Variants in NRXN3 observed in about 807,000 individuals in gnomAD.
The protein encoded by NRXN3 is neurexin III.
A neutral mutation model predicts 137.6 loss-of-function variants in NRXN3; 32 were observed. The observed-to-expected ratio is 0.23, with a 90% CI of 0.18 to 0.31. The LOEUF (loss-of-function observed/expected upper bound fraction) is 0.31. Ranked by LOEUF, NRXN3 falls within the 10% of genes least tolerant of loss-of-function variation. The probability of loss-of-function intolerance (pLI) is 1.00; values close to 1 mark genes in which losing one functional copy is unlikely to be tolerated. For missense variants in NRXN3, 1,574 were observed against 2,062.5 expected, an observed-to-expected ratio of 0.76 and a Z score of 4.59; for synonymous variants, 798 against 784.5, an observed-to-expected ratio of 1.02 and a Z score of -0.29.
chr14:78,494,731 G>T (rs2095740737), intron 4 of NRXN3, among the ~76,000 whole-genome samples: 1 of 152,136 alleles, frequency 6.6e-6, no homozygotes, highest in African/African-American at 2.4e-5. Flanking sequence ...TATTTATTAT[G>T]AAGTACATGA....
chr14:79,019,023 C>G lies in NRXN3; in HGVS notation c.3262+30882C>G, dbSNP rs942608732. Among the ~76,000 whole-genome samples the G allele has an allele frequency of 4.6e-5, 7 of 152,148 alleles. No individual in the cohort carries two copies. In the South Asian group the frequency reaches 8.3e-4, roughly 18 times the overall value. On this transcript the variant is annotated intron_variant, in intron 15 of 20. Coordinates refer to ENST00000335750, the MANE Select transcript of NRXN3 (RefSeq NM_001330195.2). ...TAAAGGCTTTCTCTGTCTACCAAAG[C>G]TGGAAACGTTTTTTTCTTTTCTGAT...
chr14:79,039,138 A>G (rs1279922268), intron 15 of NRXN3, among the ~76,000 whole-genome samples: 1 of 152,142 alleles, frequency 6.6e-6, no homozygotes, highest in African/African-American at 2.4e-5. Flanking sequence ...GAATAATCAC[A>G]AAACTTGGAA....
intron 15 of NRXN3, among the ~76,000 whole-genome samples, chr14:79,282,972 A>G (rs2081532205): frequency 6.6e-6 from 1 of 152,200 alleles, no homozygotes; most frequent in South Asian, 2.1e-4. Flanking sequence ...CCTGCACCCA[A>G]GCTGTGACCC....
At chr14:78,632,975 C>T (rs2097534557) in intron 4 of NRXN3, among the ~76,000 whole-genome samples, 1 of 151,772 alleles carries the variant, frequency 6.6e-6, no homozygotes, top group African/African-American at 2.4e-5. Context: ...GTGGCTCACG[C>T]ATGTAATCCC....
At chr14:79,062,990 G>T (rs954954083) in intron 15 of NRXN3, among the ~76,000 whole-genome samples, 3 of 152,138 alleles carry the variant, frequency 2.0e-5, no homozygotes, top group Admixed American at 1.3e-4. Context: ...TTGAGAAAGG[G>T]GGGGAGGAGT....
At chr14:79,292,875 A>G (rs1391191101) in intron 15 of NRXN3, among the ~76,000 whole-genome samples, 2 of 152,246 alleles carry the variant, frequency 1.3e-5, no homozygotes, top group East Asian at 1.9e-4. Context: ...CGTGCATTAC[A>G]GACGTAGGGA....
At position 79,254,262 on chromosome 14, in the gene NRXN3, T is replaced by C. The variant is rs531485317; in HGVS notation, c.3263-212959T>C. ...GTCCACAAGAATGCATGGCATGCAG[T>C]GACAAACCAAGAATATTCTGATAAT... On this transcript the variant is annotated intron_variant, in intron 15 of 20. Coordinates refer to ENST00000335750, the MANE Select transcript of NRXN3 (RefSeq NM_001330195.2). 2.0e-5 allele frequency among the ~76,000 whole-genome samples: 3 copies of C among 152,282 alleles called. No individual in the cohort carries two copies. In the South Asian group the frequency reaches 6.2e-4, roughly 32 times the overall value.
At chr14:78,450,269 A>T (rs888510625) in intron 4 of NRXN3, among the ~76,000 whole-genome samples, 4 of 152,136 alleles carry the variant, frequency 2.6e-5, no homozygotes, top group African/African-American at 9.7e-5. Flanking sequence ...TGTTTTCAAA[A>T]TTTTCTTCAG....
At chr14:78,916,054 A>C (rs2099254545) in intron 10 of NRXN3, among the ~76,000 whole-genome samples, 1 of 152,030 alleles carries the variant, frequency 6.6e-6, no homozygotes, top group South Asian at 2.1e-4. Context: ...GGGAGTCTTG[A>C]GTGTCTTGTC....
chr14:78,831,164 C>A (rs922563157), intron 10 of NRXN3, among the ~76,000 whole-genome samples: 6 of 152,110 alleles, frequency 3.9e-5, no homozygotes, highest in Non-Finnish European at 5.9e-5. Flanking sequence ...ACGTAACTTA[C>A]TCTTGTAGCC....
At chr14:79,049,072 A>AAATAATAATGAT (rs2099637909) in intron 15 of NRXN3, among the ~76,000 whole-genome samples, 1 of 42,456 alleles carries the variant, frequency 2.4e-5, no homozygotes, top group African/African-American at 1.0e-4. Context: ...AAAAAAAAAA[A>AAATAATAATGAT]AATAATAATA....
At chr14:79,521,071 T>C (rs2097059549) in intron 16 of NRXN3, among the ~76,000 whole-genome samples, 1 of 152,182 alleles carries the variant, frequency 6.6e-6, no homozygotes, top group Non-Finnish European at 1.5e-5. Context: ...AGCAAGTCTC[T>C]TGTTCATAGC....
In NRXN3 at chr14:79,589,691, C is replaced by CA. The variant is rs779843165; in HGVS notation, c.3445-74078dup. ...TCTTGCTGCAGAAGACATTATTGAA[C>CA]AAAAAAAAAGCCCAATGCAATTCAA... On this transcript the variant is annotated intron_variant, in intron 16 of 20. Coordinates refer to ENST00000335750, the MANE Select transcript of NRXN3 (RefSeq NM_001330195.2). Among the ~76,000 whole-genome samples the CA allele has an allele frequency of 6.6e-4, 99 of 148,902 alleles. No individual in the cohort carries two copies. In the East Asian group the frequency reaches 0.012, roughly 18 times the overall value.
intron 10 of NRXN3, among the ~76,000 whole-genome samples, chr14:78,901,030 A>G (rs1383261850): frequency 6.6e-6 from 1 of 151,998 alleles, no homozygotes; most frequent in African/African-American, 2.4e-5. Flanking sequence ...TTTTCCCTAT[A>G]AGCTAGAAAT....
At chr14:78,235,331 A>G (rs1275245687) in intron 1 of NRXN3, among the ~76,000 whole-genome samples, 2 of 152,006 alleles carry the variant, frequency 1.3e-5, no homozygotes, top group Non-Finnish European at 2.9e-5. Flanking sequence ...GGCTCTTGAT[A>G]AACATGAAAG....
intron 19 of NRXN3, among the ~76,000 whole-genome samples, chr14:79,801,918 G>A (rs1016905790): frequency 4.0e-5 from 6 of 151,892 alleles, no homozygotes; most frequent in African/African-American, 1.5e-4. Flanking sequence ...AGAAGGGGTG[G>A]GAGAGTGGGG....
At chr14:78,188,080 T>C (rs2060393152) in intron 1 of NRXN3, among the ~76,000 whole-genome samples, 1 of 152,146 alleles carries the variant, frequency 6.6e-6, no homozygotes, top group Non-Finnish European at 1.5e-5. Context: ...CACCCTGGCT[T>C]TAGAGATGGA....
chr14:78,950,856 T>C (rs1418562577), intron 10 of NRXN3, among the ~76,000 whole-genome samples: 1 of 152,158 alleles, frequency 6.6e-6, no homozygotes, highest in Non-Finnish European at 1.5e-5. Context: ...GTGTGACTCA[T>C]AGGAGAGACA....
At chr14:78,584,782 C>T (rs957607408) in intron 4 of NRXN3, among the ~76,000 whole-genome samples, 8 of 152,130 alleles carry the variant, frequency 5.3e-5, no homozygotes, top group South Asian at 2.1e-4. Flanking sequence ...TCAGAAAGGC[C>T]GTGTTCTAGC....
Sources: allele counts gnomAD v4.1 joint callset (sites outside exome capture counted in the v4.1 genomes callset), GRCh38; gene constraint gnomAD v4.1.1; transcripts MANE v1.5; gene names NCBI Gene and HGNC (gene_info 2026-07-23, HGNC 2026-07-21).